The following POC1B variants were observed in gnomAD, a reference collection of about 807,000 sequenced individuals.
POC1B encodes the protein POC1 centriolar protein homolog B.
A neutral mutation model predicts 60.6 loss-of-function variants in POC1B; 44 were observed. That is an observed-to-expected ratio of 0.73 (90% CI 0.57 to 0.93). POC1B has a LOEUF of 0.93. POC1B is among the 40% of genes least tolerant of loss of function. The probability of loss-of-function intolerance (pLI) is 0.00; values close to 1 mark genes in which losing one functional copy is unlikely to be tolerated. For missense variants in POC1B, 555 were observed against 572.3 expected, an observed-to-expected ratio of 0.97 and a Z score of 0.31; for synonymous variants, 180 against 198.9, an observed-to-expected ratio of 0.90 and a Z score of 0.80.
intron 2 of POC1B, chr12:89,501,167 C>T: frequency 7.0e-7 from 1 of 1,430,396 alleles, no homozygotes; most frequent in South Asian, 1.1e-5. Context: ...AATATATTAG[C>T]TAAGACTTTG....
chr12:89,521,697 T>G (rs577745539), intron 2 of POC1B: 3 of 263,004 alleles, frequency 1.1e-5, no homozygotes, highest in African/African-American at 6.6e-5. Context: ...CATTCATTCA[T>G]TCATTCAGTC....
chr12:89,501,972 A>C (rs1477422198), intron 2 of POC1B: 13 of 976,070 alleles, frequency 1.3e-5, no homozygotes, highest in Non-Finnish European at 2.0e-5. Context: ...GTGATGAGGC[A>C]GACTTGGCTA....
intron 11 of POC1B, among the ~76,000 whole-genome samples, chr12:89,421,458 G>T (rs1192150133): frequency 6.6e-6 from 1 of 151,966 alleles, no homozygotes; most frequent in Non-Finnish European, 1.5e-5. Context: ...TTGGAGAAAA[G>T]AAAAGAAAAA....
At chr12:89,525,426 GCT>G (rs1239803520) in intron 1 of POC1B, 2 of 1,379,860 alleles carry the variant, frequency 1.4e-6, no homozygotes, top group Non-Finnish European at 1.9e-6. Context: ...CCCGCAAAAC[GCT>G]CTGTTCGCGC....
chr12:89,522,787 G>A, intron 2 of POC1B: 2 of 1,539,400 alleles, frequency 1.3e-6, no homozygotes, highest in Non-Finnish European at 1.7e-6. Context: ...ACTACTGTCA[G>A]CTCATGACGA....
chr12:89,514,609 T>C (rs971146499), intron 2 of POC1B, among the ~76,000 whole-genome samples: 1 of 151,924 alleles, frequency 6.6e-6, no homozygotes, highest in African/African-American at 2.4e-5. Flanking sequence ...GGTTTCACCA[T>C]GTTGGCCAGG....
intron 10 of POC1B, among the ~76,000 whole-genome samples, chr12:89,447,802 AGT>A (rs1881847398): frequency 6.6e-6 from 1 of 152,106 alleles, no homozygotes; most frequent in African/African-American, 2.4e-5. Context: ...TTCAAGCAGA[AGT>A]GTCCAAGTAA....
intron 9 of POC1B, among the ~76,000 whole-genome samples, chr12:89,462,500 A>G (rs1031659649): frequency 6.6e-6 from 1 of 152,188 alleles, no homozygotes; most frequent in Non-Finnish European, 1.5e-5. Context: ...GTCCACGAAC[A>G]TAAAACCTCT....
rs1037732338 is a variant in POC1B, at chr12:89,525,513, A to C, written c.16-309T>G. ...GTTCCCGGGCCCCGCCCGCTGGCCCAAGGCAGGCAGGTGCGAGGATGCGCC... is the reference window on the plus strand; with the variant it reads ...GTTCCCGGGCCCCGCCCGCTGGCCCCAGGCAGGCAGGTGCGAGGATGCGCC... On this transcript the variant is annotated intron_variant, in intron 1 of 11. Transcript: ENST00000313546. The C allele has an allele frequency of 9.9e-6, 13 of 1,313,536 alleles. No homozygotes were observed. In the African/African-American group the frequency reaches 1.6e-4, roughly 16 times the overall value. 81.4% of individuals were successfully genotyped at this position (1,313,536 alleles called of 1,614,324 possible).
Position 89,525,149 on chromosome 12 carries a change from A to G in POC1B, c.71T>C (p.Leu24Ser). Residue 24 changes from leucine to serine, a missense_variant, in exon 2 of 12, where the codon TTG becomes TCG. Coordinates refer to ENST00000313546, the MANE Select transcript of POC1B (RefSeq NM_172240.3). ...FKGHKAAITS[L>S]DLSPNGKQLA... The stretch of plus-strand genomic sequence containing the variant: ...TTGCTTGCCGTTGGGGCTGAGGTCC[A>G]AGGAGGTGATCGCAGCTTTGTGGCC... 1 of 1,614,060 alleles carries G rather than the reference A, an allele frequency of 6.2e-7. No individual in the cohort carries two copies. Among genetic ancestry groups the G allele is most frequent in the Non-Finnish European group, 8.5e-7 (1 of 1,179,908 alleles).
At chr12:89,486,904 CACACACACACAG>C (rs1868665152) in intron 4 of POC1B, among the ~76,000 whole-genome samples, 1 of 151,656 alleles carries the variant, frequency 6.6e-6, no homozygotes, top group African/African-American at 2.4e-5. Flanking sequence ...CTCTCTCTCT[CACACACACACAG>C]ACACACACAC....
In POC1B at chr12:89,480,802, A is replaced by G. The variant is rs148755963; in HGVS notation, c.453-8527T>C. Among the ~76,000 whole-genome samples the G allele has an allele frequency of 4.2e-3, 646 of 152,156 alleles. 19 individuals carry two copies. The East Asian group carries it at 0.058, about 14-fold the overall frequency. ...TTTTTAGTAGAGATGGAGTTTCACC[A>G]TGTTAGCCAGGATGGTCTCGATCTC... is the stretch of plus-strand genomic sequence containing the variant. On this transcript the variant is annotated intron_variant, in intron 4 of 11. Transcript: ENST00000313546.
intron 10 of POC1B, chr12:89,425,985 A>G (rs913753552): frequency 6.6e-6 from 1 of 152,316 alleles, no homozygotes; most frequent in African/African-American, 2.4e-5. Context: ...AATAGCCAAA[A>G]GCTAGAAACA....
At chr12:89,516,747 C>A (rs1260109948) in intron 2 of POC1B, among the ~76,000 whole-genome samples, 1 of 152,190 alleles carries the variant, frequency 6.6e-6, no homozygotes, top group East Asian at 1.9e-4. Context: ...CCGGGCCACA[C>A]TCTCTCCAAA....
chr12:89,434,666 A>C (rs1161520349), intron 10 of POC1B, among the ~76,000 whole-genome samples: 1 of 152,224 alleles, frequency 6.6e-6, no homozygotes, highest in African/African-American at 2.4e-5. Flanking sequence ...ATTTCCTGCA[A>C]ACTCAAAAGG....
At chr12:89,505,381 G>A (rs114481342) in intron 2 of POC1B, among the ~76,000 whole-genome samples, 2,607 of 152,286 alleles carry the variant, frequency 0.017, 87 homozygotes, top group African/African-American at 0.06. Flanking sequence ...CAATGTTTGT[G>A]GCAATACTAT....
chr12:89,473,665 A>AG (rs1882994503), intron 4 of POC1B, among the ~76,000 whole-genome samples: 12 of 125,814 alleles, frequency 9.5e-5, no homozygotes, highest in Admixed American at 9.4e-4. Flanking sequence ...GCCTCAGAAA[A>AG]GAAAAAAAAA....
chr12:89,524,484 A>G (rs1261429271), intron 2 of POC1B: 1 of 1,613,426 alleles, frequency 6.2e-7, no homozygotes, highest in Admixed American at 1.7e-5. Context: ...CCACGAAGAT[A>G]TAGGCCACTG....
In POC1B at chr12:89,523,849, G is replaced by T. The variant is rs57849129; in HGVS notation, c.100+1271C>A. On this transcript the variant is annotated intron_variant, in intron 2 of 11. Transcript: ENST00000313546. ...TTCCAAAAGCGGTTCCAGCCAACCG[G>T]AATTACACTCACAGTGACAATCCAG... 2,095 of 1,551,830 alleles carry T rather than the reference G, an allele frequency of 1.4e-3. 26 individuals carry two copies. The African/African-American group carries it at 0.025, about 18-fold the overall frequency.
Sources: allele counts gnomAD v4.1 joint callset (sites outside exome capture counted in the v4.1 genomes callset), GRCh38; gene constraint gnomAD v4.1.1; transcripts MANE v1.5; gene names NCBI Gene and HGNC (gene_info 2026-07-23, HGNC 2026-07-21).